The following MTSS1 variants were observed in gnomAD, a reference collection of about 807,000 sequenced individuals.
MTSS1 encodes the protein protein MTSS 1.
A neutral mutation model predicts 79.0 loss-of-function variants in MTSS1; 18 were observed. That is an observed-to-expected ratio of 0.23 (90% CI 0.16 to 0.34). The LOEUF (loss-of-function observed/expected upper bound fraction) is 0.34. Among genes scored for constraint, MTSS1 ranks in the 10% least tolerant of loss-of-function variants. The pLI, the probability that MTSS1 is intolerant of heterozygous loss-of-function variation, is 1.00. For missense variants in MTSS1, 815 were observed against 986.2 expected (o/e 0.83, Z 2.33); for synonymous variants, 341 against 368.6 (o/e 0.93, Z 0.86).
chr8:124,563,136 A>G (rs537184506), intron 9 of MTSS1, 144 bp from the exon 10 acceptor site: 3 of 704,812 alleles, frequency 4.3e-6, no homozygotes, highest in Non-Finnish European at 7.0e-6. Flanking sequence ...TGCCCTGGAG[A>G]TGCAGTGCAA....
At chr8:124,609,429 G>A (rs926350511) in intron 3 of MTSS1, among the ~76,000 whole-genome samples, 3 of 152,162 alleles carry the variant, frequency 2.0e-5, no homozygotes, top group Non-Finnish European at 2.9e-5. Flanking sequence ...AGAGTCCCTC[G>A]GTTCCCACCT....
In MTSS1 at chr8:124,704,015, CCCTAT is replaced by C. The variant is rs1233297236; in HGVS notation, c.134+110_134+114del. 3 of 882,092 alleles carry C rather than the reference CCCTAT, an allele frequency of 3.4e-6. No homozygotes were observed. The African/African-American group carries it at 4.9e-5, about 14-fold the overall frequency. 54.6% of individuals were successfully genotyped at this position (882,092 alleles called of 1,614,324 possible). ...TCCAATCAGAACCCAGCACAGGCTT[CCCTAT>C]CTGCAGCACTTCCTGAATCAACCCT... is the stretch of plus-strand genomic sequence containing the variant. On this transcript the variant is annotated intron_variant, in intron 2 of 13. Coordinates refer to ENST00000518547, the MANE Select transcript of MTSS1 (RefSeq NM_014751.6).
chr8:124,591,365 C>A (rs752967280), intron 3 of MTSS1, 130 bp from the exon 4 acceptor site: 5 of 719,514 alleles, frequency 6.9e-6, no homozygotes, highest in Non-Finnish European at 1.2e-5. Flanking sequence ...TTAGAAGCTT[C>A]TCACCATGCC....
In MTSS1 at chr8:124,704,011, G is replaced by C. The variant is rs566722325; in HGVS notation, c.134+119C>G. 530 of 846,904 alleles carry C rather than the reference G, an allele frequency of 6.3e-4. 2 individuals carry two copies. Among genetic ancestry groups the C allele is most frequent in the Admixed American group, 4.3e-4 (23 of 53,378 alleles). The allele number at this position is 846,904 out of a possible 1,614,324, so 52.5% of individuals were successfully genotyped here. ...ATGCTCCAATCAGAACCCAGCACAG[G>C]CTTCCCTATCTGCAGCACTTCCTGA... On this transcript the variant is annotated intron_variant, in intron 2 of 13. Coordinates refer to ENST00000518547, the MANE Select transcript of MTSS1 (RefSeq NM_014751.6).
intron 3 of MTSS1, among the ~76,000 whole-genome samples, chr8:124,622,088 G>A (rs2382635): frequency 2.5e-5 from 3 of 122,172 alleles, no homozygotes; most frequent in South Asian, 2.5e-4. Context: ...GAGAGAGAGA[G>A]AGAGAGAGAA....
chr8:124,616,042 C>T (rs1836781927), intron 3 of MTSS1, among the ~76,000 whole-genome samples: 1 of 151,778 alleles, frequency 6.6e-6, no homozygotes, highest in Non-Finnish European at 1.5e-5. Context: ...GACACCAGCA[C>T]AGATCCACAC....
At chr8:124,690,657 G>A (rs1018941963) in intron 3 of MTSS1, among the ~76,000 whole-genome samples, 3 of 152,180 alleles carry the variant, frequency 2.0e-5, no homozygotes, top group Non-Finnish European at 2.9e-5. Context: ...GTCAAATGGG[G>A]AACAGTGCTG....
At chr8:124,678,971 T>G (rs540744302) in intron 3 of MTSS1, among the ~76,000 whole-genome samples, 1 of 152,344 alleles carries the variant, frequency 6.6e-6, no homozygotes, top group Non-Finnish European at 1.5e-5. Context: ...CACTTTAACC[T>G]GTAAGTCTGG....
In MTSS1 at chr8:124,688,175, CGTGT is replaced by C. The variant is rs1159864928; in HGVS notation, c.208+11347_208+11350del. Among the ~76,000 whole-genome samples, 8 of 151,602 alleles carry C rather than the reference CGTGT, an allele frequency of 5.3e-5. No homozygotes were observed. The South Asian group carries it at 1.3e-3, about 24-fold the overall frequency. On this transcript the variant is annotated intron_variant, in intron 3 of 13. Transcript: ENST00000518547. ...ATTTGTGTGTATGTGCGTACGTGTGCGTGTGTATGTATGTGCATATGTGTATGTT... is the reference window on the plus strand; with the variant it reads ...ATTTGTGTGTATGTGCGTACGTGTGCGTATGTATGTGCATATGTGTATGTT...
At chr8:124,563,015 A>AG (rs749853541) in intron 9 of MTSS1, 23 bp from the exon 10 acceptor site, 48 of 1,582,530 alleles carry the variant, frequency 3.0e-5, no homozygotes, top group Non-Finnish European at 3.9e-5. Flanking sequence ...AGCAGGGGTG[A>AG]GGGGTGGGCA....
chr8:124,693,645 G>A (rs897649304), intron 3 of MTSS1, among the ~76,000 whole-genome samples: 14 of 152,144 alleles, frequency 9.2e-5, no homozygotes, highest in Admixed American at 8.5e-4. Flanking sequence ...TAGAAGGTCC[G>A]GCGTCCACCT....
At chr8:124,684,519 G>A (rs1055653226) in intron 3 of MTSS1, among the ~76,000 whole-genome samples, 26 of 152,112 alleles carry the variant, frequency 1.7e-4, no homozygotes, top group African/African-American at 6.0e-4. Context: ...TAAAAGGATG[G>A]GTAGATTTTC....
intron 3 of MTSS1, among the ~76,000 whole-genome samples, chr8:124,663,086 G>A (rs1587669182): frequency 6.6e-6 from 1 of 152,188 alleles, no homozygotes; most frequent in East Asian, 1.9e-4. Context: ...TATGCCAACA[G>A]CTGCCTGGCT....
intron 3 of MTSS1, among the ~76,000 whole-genome samples, chr8:124,617,097 G>A (rs995383779): frequency 6.6e-6 from 1 of 152,108 alleles, no homozygotes; most frequent in Non-Finnish European, 1.5e-5. Context: ...CAGAGAACGA[G>A]GGCAGTGTCT....
chr8:124,583,592 T>G (rs935868630), intron 6 of MTSS1, among the ~76,000 whole-genome samples: 5 of 152,230 alleles, frequency 3.3e-5, no homozygotes, highest in African/African-American at 4.8e-5. Flanking sequence ...TTAGGGCCTC[T>G]GAAAACTGAG....
At chr8:124,672,053 C>T (rs756668365) in intron 3 of MTSS1, among the ~76,000 whole-genome samples, 1 of 152,318 alleles carries the variant, frequency 6.6e-6, no homozygotes, top group Non-Finnish European at 1.5e-5. Flanking sequence ...ACAGAGATAT[C>T]AGTTGGAATG....
At chr8:124,607,654 A>T (rs544274389) in intron 3 of MTSS1, among the ~76,000 whole-genome samples, 21 of 152,262 alleles carry the variant, frequency 1.4e-4, no homozygotes, top group Middle Eastern at 3.4e-3. Context: ...GCCTCCATCT[A>T]TTCAATGGAA....
At chr8:124,666,650 G>A (rs1197216277) in intron 3 of MTSS1, among the ~76,000 whole-genome samples, 1 of 152,140 alleles carries the variant, frequency 6.6e-6, no homozygotes, top group Non-Finnish European at 1.5e-5. Flanking sequence ...TCCTTGAAGG[G>A]GTCTGAGGTC....
At chr8:124,658,316 A>T (rs1189253899) in intron 3 of MTSS1, among the ~76,000 whole-genome samples, 1 of 152,042 alleles carries the variant, frequency 6.6e-6, no homozygotes, top group Non-Finnish European at 1.5e-5. Flanking sequence ...TGATGTTTTG[A>T]TATGGGGTTT....
Sources: allele counts gnomAD v4.1 joint callset (sites outside exome capture counted in the v4.1 genomes callset), GRCh38; gene constraint gnomAD v4.1.1; transcripts MANE v1.5; gene names NCBI Gene and HGNC (gene_info 2026-07-23, HGNC 2026-07-21).